The following CALCR variants were observed in gnomAD, a reference collection of about 807,000 sequenced individuals.
CALCR encodes the protein calcitonin receptor.
A neutral mutation model predicts 59.5 loss-of-function variants in CALCR; 47 were observed. The ratio of observed to expected loss-of-function variants is 0.79; its 90% CI spans 0.63 to 1.01. The LOEUF (loss-of-function observed/expected upper bound fraction) is 1.01. Among genes scored for constraint, CALCR ranks in the 50% least tolerant of loss-of-function variants. The pLI, the probability that CALCR is intolerant of heterozygous loss-of-function variation, is 0.00. For synonymous variants in CALCR, 213 were observed against 211.3 expected (o/e 1.01, Z -0.07); for missense variants, 566 against 597.1 (o/e 0.95, Z 0.54).
At chr7:93,460,564 A>ATATATATATATATATATAT (rs1562982351) in intron 8 of CALCR, among the ~76,000 whole-genome samples, 3 of 85,388 alleles carry the variant, frequency 3.5e-5, no homozygotes, top group African/African-American at 2.8e-4. Flanking sequence ...TAAAAAAAAA[A>ATATATATATATATATATAT]AAAAAAAAAT....
chr7:93,497,067 T>C (rs1017502218), intron 2 of CALCR, among the ~76,000 whole-genome samples: 1 of 151,580 alleles, frequency 6.6e-6, no homozygotes. Context: ...AAAATGTCTA[T>C]CTAAATCCAG....
chr7:93,526,221 AC>A (rs1198098828), intron 2 of CALCR, among the ~76,000 whole-genome samples: 4 of 152,124 alleles, frequency 2.6e-5, no homozygotes, highest in African/African-American at 9.7e-5. Context: ...GGAAACTTGG[AC>A]CCTAAGTGAT....
intron 2 of CALCR, among the ~76,000 whole-genome samples, chr7:93,499,294 T>C (rs964300440): frequency 4.6e-5 from 7 of 151,744 alleles, no homozygotes; most frequent in Non-Finnish European, 1.0e-4. Context: ...AAAAGAGGAA[T>C]GAGCAGTCCA....
rs1584536741 is a variant in CALCR at position 93,438,464 on chromosome 7, G to T, written c.803-194C>A. Among the ~76,000 whole-genome samples the T allele has an allele frequency of 2.0e-5, 3 of 152,304 alleles. No individual in the cohort carries two copies. In the South Asian group the frequency reaches 6.2e-4, roughly 32 times the overall value. On this transcript the variant is annotated intron_variant, in intron 9 of 13. Transcript: ENST00000426151. ...AATGCTCCCAGTTAGAACATCATGT[G>T]CTTCCTGAGAGTTTGGTTAAGAGCA...
intron 2 of CALCR, among the ~76,000 whole-genome samples, chr7:93,551,229 A>G (rs1248908808): frequency 6.6e-6 from 1 of 152,236 alleles, no homozygotes; most frequent in Non-Finnish European, 1.5e-5. Context: ...AAAAGCCATT[A>G]ACAGAGTGTT....
intron 2 of CALCR, among the ~76,000 whole-genome samples, chr7:93,542,158 G>C (rs1789160602): frequency 6.6e-6 from 1 of 152,058 alleles, no homozygotes; most frequent in African/African-American, 2.4e-5. Context: ...CGCATCCTTG[G>C]GCGATTTTGT....
intron 2 of CALCR, among the ~76,000 whole-genome samples, chr7:93,530,376 G>A (rs4141362): frequency 0.28 from 42,589 of 151,952 alleles, 7,105 homozygotes; most frequent in Non-Finnish European, 0.38. Context: ...TTTGTTTTAC[G>A]TGCTACAAGC....
At chr7:93,476,724 C>G (rs935436211) in intron 5 of CALCR, among the ~76,000 whole-genome samples, 1 of 151,962 alleles carries the variant, frequency 6.6e-6, no homozygotes, top group South Asian at 2.1e-4. Context: ...CAAGTAACTT[C>G]TAATGTAGTT....
At chr7:93,443,459 T>C in intron 9 of CALCR, 145 bp downstream of exon 9, 3 of 708,242 alleles carry the variant, frequency 4.2e-6, no homozygotes, top group Non-Finnish European at 7.1e-6. Context: ...TTTTGGAGAC[T>C]GAACTCCTGC....
chr7:93,445,762 G>A (rs1372837635), intron 8 of CALCR, among the ~76,000 whole-genome samples: 2 of 152,024 alleles, frequency 1.3e-5, no homozygotes, highest in Non-Finnish European at 2.9e-5. Flanking sequence ...TCTACCTGAA[G>A]AAAACTCCAA....
chr7:93,450,823 A>G (rs1336593772), intron 8 of CALCR, among the ~76,000 whole-genome samples: 1 of 151,984 alleles, frequency 6.6e-6, no homozygotes, highest in Non-Finnish European at 1.5e-5. Context: ...ATTTCAGATA[A>G]TGAACCACTG....
intron 2 of CALCR, among the ~76,000 whole-genome samples, chr7:93,562,830 G>A (rs116916581): frequency 0.022 from 3,363 of 152,208 alleles, 67 homozygotes; most frequent in Middle Eastern, 0.037. Flanking sequence ...AAGCAGTTAA[G>A]GTTTGAGATC....
intron 2 of CALCR, among the ~76,000 whole-genome samples, chr7:93,509,476 A>G (rs1375157581): frequency 6.6e-6 from 1 of 151,838 alleles, no homozygotes; most frequent in African/African-American, 2.4e-5. Flanking sequence ...AAAACAAAAC[A>G]AAATGAAAAA....
At chr7:93,558,128 C>CT (rs532827246) in intron 2 of CALCR, among the ~76,000 whole-genome samples, 3,263 of 140,814 alleles carry the variant, frequency 0.023, 41 homozygotes, top group Middle Eastern at 0.045. Context: ...TTTTTAACAC[C>CT]TTTTTTTTTT....
chr7:93,565,464 C>T (rs1010735076), intron 2 of CALCR, among the ~76,000 whole-genome samples: 1 of 152,200 alleles, frequency 6.6e-6, no homozygotes, highest in Admixed American at 6.5e-5. Context: ...CTAAGTTTCT[C>T]ATTGACCTTG....
chr7:93,489,393 A>G (rs973360747), intron 2 of CALCR, among the ~76,000 whole-genome samples: 2 of 151,986 alleles, frequency 1.3e-5, no homozygotes, highest in Non-Finnish European at 2.9e-5. Flanking sequence ...AAGCTAGCAT[A>G]AAACAAGAAA....
At chr7:93,529,905 C>T (rs1304785950) in intron 2 of CALCR, among the ~76,000 whole-genome samples, 2 of 152,112 alleles carry the variant, frequency 1.3e-5, no homozygotes, top group African/African-American at 2.4e-5. Context: ...TTTACATCCT[C>T]CCTGTAATAG....
At chr7:93,428,960 T>C (rs939103358) in intron 13 of CALCR, among the ~76,000 whole-genome samples, 2 of 152,222 alleles carry the variant, frequency 1.3e-5, no homozygotes, top group Admixed American at 6.5e-5. Context: ...AGGTCTTTTA[T>C]TTCTCACCTG....
intron 2 of CALCR, among the ~76,000 whole-genome samples, chr7:93,530,976 G>A (rs1774104660): frequency 6.6e-6 from 1 of 152,012 alleles, no homozygotes; most frequent in Non-Finnish European, 1.5e-5. Flanking sequence ...CTAGCAATCA[G>A]AATTTTGATA....
Sources: allele counts gnomAD v4.1 joint callset (sites outside exome capture counted in the v4.1 genomes callset), GRCh38; gene constraint gnomAD v4.1.1; transcripts MANE v1.5; gene names NCBI Gene and HGNC (gene_info 2026-07-23, HGNC 2026-07-21).